ETF1: variants seen among roughly 807,000 people sequenced by gnomAD.
ETF1 encodes eukaryotic translation termination factor 1, also known as eukaryotic peptide chain release factor subunit 1.
ETF1 carries 4 observed loss-of-function variants against 55.1 expected under a neutral mutation model. The ratio of observed to expected loss-of-function variants is 0.07; its 90% CI spans 0.04 to 0.17. The LOEUF (loss-of-function observed/expected upper bound fraction) is 0.17, where lower values mean the gene tolerates loss of function less well. ETF1 is among the 10% of genes least tolerant of loss of function. The pLI is 1.00. For missense variants in ETF1, 142 were observed against 523.6 expected (o/e 0.27, Z 7.11); for synonymous variants, 157 against 182.3 (o/e 0.86, Z 1.12).
intron 9 of ETF1, chr5:138,509,286 T>TAA (rs1448514946): frequency 7.8e-6 from 4 of 515,400 alleles, no homozygotes; most frequent in Non-Finnish European, 1.0e-5. Context: ...GTGATGCACT[T>TAA]AGAGCAAACC....
intron 2 of ETF1, among the ~76,000 whole-genome samples, chr5:138,532,059 A>AAAATAAATAAAT (rs34771797): frequency 6.7e-6 from 1 of 150,286 alleles, no homozygotes; most frequent in Non-Finnish European, 1.5e-5. Flanking sequence ...AAAATAAAAT[A>AAAATAAATAAAT]AAATAAATAA....
chr5:138,526,549 C>G (rs1389012533), intron 2 of ETF1, among the ~76,000 whole-genome samples: 1 of 152,018 alleles, frequency 6.6e-6, no homozygotes, highest in Non-Finnish European at 1.5e-5. Flanking sequence ...CTACCCCCTG[C>G]CCCCCAGGAT....
chr5:138,517,950 CCAGCACTCTGGGAG>C (rs1162356171), intron 3 of ETF1: 1 of 934,580 alleles, frequency 1.1e-6, no homozygotes, highest in Non-Finnish European at 1.3e-6. Context: ...GCCTGTAATC[CCAGCACTCTGGGAG>C]GCCGAGGTAG....
chr5:138,532,876 T>C (rs956288314), intron 2 of ETF1, among the ~76,000 whole-genome samples: 9 of 152,200 alleles, frequency 5.9e-5, no homozygotes, highest in African/African-American at 2.2e-4. Flanking sequence ...GATACTCAAC[T>C]TCTCTTTTCT....
rs1201498667 is a variant in ETF1 at position 138,524,578 on chromosome 5, G to GTTT, written c.87-5714_87-5712dup. 4.0e-4 allele frequency among the ~76,000 whole-genome samples: 53 copies of GTTT among 132,970 alleles called. 8 individuals carry two copies. The highest frequency in any genetic ancestry group is 4.0e-3 in the Middle Eastern group (1 of 248). 87.2% of individuals were successfully genotyped at this position (132,970 alleles called of 152,430 possible). Reference sequence around the variant, plus strand: ...TTAAAAAAAAAAAAAATTTCTTTCCGTTTTTTGTTTTTTTTTTTGAGACAG... The same window carrying GTTT: ...TTAAAAAAAAAAAAAATTTCTTTCCGTTTTTTTTTGTTTTTTTTTTTGAGACAG... On this transcript the variant is annotated intron_variant, in intron 2 of 10. Coordinates refer to ENST00000360541, the MANE Select transcript of ETF1 (RefSeq NM_004730.4).
chr5:138,524,800 T>A (rs772423501), intron 2 of ETF1, among the ~76,000 whole-genome samples: 32 of 151,792 alleles, frequency 2.1e-4, no homozygotes, highest in Admixed American at 3.3e-4. Context: ...ATGGTCTTGA[T>A]CTCCTGACTT....
At chr5:138,538,145 C>T (rs1469150029) in intron 2 of ETF1, among the ~76,000 whole-genome samples, 1 of 149,494 alleles carries the variant, frequency 6.7e-6, no homozygotes, top group Admixed American at 6.6e-5. Context: ...CTGCCTTGGC[C>T]TCCCAAAGTG....
At chr5:138,520,506 A>C (rs1465905176) in intron 2 of ETF1, among the ~76,000 whole-genome samples, 1 of 152,186 alleles carries the variant, frequency 6.6e-6, no homozygotes, top group Non-Finnish European at 1.5e-5. Context: ...GTCAAGAAAT[A>C]TCTCATCGGA....
At chr5:138,525,819 G>A (rs755078042) in intron 2 of ETF1, among the ~76,000 whole-genome samples, 55 of 151,794 alleles carry the variant, frequency 3.6e-4, no homozygotes, top group Non-Finnish European at 7.1e-4. Flanking sequence ...GGTGGCACAC[G>A]CCTATAATCC....
At chr5:138,513,949 G>A in intron 4 of ETF1, 1 of 906,016 alleles carries the variant, frequency 1.1e-6, no homozygotes, top group Non-Finnish European at 1.3e-6. Flanking sequence ...CATTTGACAT[G>A]GGCATGTAAA....
chr5:138,515,937 T>C (rs184290799), intron 4 of ETF1, among the ~76,000 whole-genome samples: 1 of 152,236 alleles, frequency 6.6e-6, no homozygotes, highest in African/African-American at 2.4e-5. Context: ...AATCATCCAC[T>C]GTAAACTGTC....
chr5:138,527,884 T>C (rs1765542805), intron 2 of ETF1, among the ~76,000 whole-genome samples: 1 of 152,082 alleles, frequency 6.6e-6, no homozygotes, highest in Non-Finnish European at 1.5e-5. Flanking sequence ...GCCATTCTCC[T>C]GCCTCAGCCT....
chr5:138,539,037 ACAG>A (rs1373835773), intron 2 of ETF1, among the ~76,000 whole-genome samples: 1 of 152,252 alleles, frequency 6.6e-6, no homozygotes, highest in Non-Finnish European at 1.5e-5. Context: ...TCCAAACACT[ACAG>A]CAGAAGTTTG....
At chr5:138,519,037 G>C in intron 2 of ETF1, 170 bp from the exon 3 acceptor site, 1 of 982,946 alleles carries the variant, frequency 1.0e-6, no homozygotes, top group Non-Finnish European at 1.2e-6. Flanking sequence ...CGTATACACA[G>C]AGTTAGGAAC....
Position 138,530,662 on chromosome 5 carries a change from C to A in ETF1, c.87-11795G>T, listed in dbSNP as rs1347640139. On this transcript the variant is annotated intron_variant, in intron 2 of 10. Transcript: ENST00000360541. Reference sequence around the variant, plus strand: ...CATCTCTGATCTTTGCAACCTCTGCCTCCCCAGTTCAAGCAATTCTCCTGC... The same window carrying A: ...CATCTCTGATCTTTGCAACCTCTGCATCCCCAGTTCAAGCAATTCTCCTGC... 4.6e-5 allele frequency among the ~76,000 whole-genome samples: 7 copies of A among 152,086 alleles called. No individual in the cohort carries two copies. In the East Asian group the frequency reaches 1.3e-3, roughly 29 times the overall value.
At position 138,508,566 on chromosome 5, in the gene ETF1, A is replaced by G. The variant is rs931903404; in HGVS notation, c.1231+103T>C. The G allele has an allele frequency of 2.6e-6, 4 of 1,564,064 alleles. No homozygotes were observed. The African/African-American group carries it at 4.1e-5, about 16-fold the overall frequency. Reference sequence around the variant, plus strand: ...ACCTGCTGCGTCAATCACCTATCCCAGCAGATAATAAGCACCTCACCGGAA... The same window carrying G: ...ACCTGCTGCGTCAATCACCTATCCCGGCAGATAATAAGCACCTCACCGGAA... On this transcript the variant is annotated intron_variant, in intron 10 of 10. Coordinates refer to ENST00000360541, the MANE Select transcript of ETF1 (RefSeq NM_004730.4).
chr5:138,508,960 C>A, intron 9 of ETF1, 144 bp from the exon 10 acceptor site: 1 of 1,434,978 alleles, frequency 7.0e-7, no homozygotes. Flanking sequence ...TAAGTCATCT[C>A]TGGTTTTGAT....
chr5:138,511,631 T>G (rs749487979), intron 6 of ETF1, 27 bp from the exon 7 acceptor site: 1 of 1,560,780 alleles, frequency 6.4e-7, no homozygotes, highest in East Asian at 2.3e-5. Context: ...ATATTATTAG[T>G]ACTTACTGGT....
intron 6 of ETF1, among the ~76,000 whole-genome samples, chr5:138,512,258 A>AT (rs58936942): frequency 8.0e-4 from 16 of 20,018 alleles, no homozygotes; most frequent in African/African-American, 2.6e-3. Context: ...ATATATATAT[A>AT]TTTTTTTTTT....
Sources: gnomAD v4.1 joint callset for allele counts (sites outside exome capture counted in the v4.1 genomes callset) on GRCh38, gnomAD v4.1.1 for gene constraint, MANE v1.5 for transcripts, NCBI Gene and HGNC (gene_info 2026-07-23, HGNC 2026-07-21) for gene names.